CD99L2: variants seen among roughly 807,000 people sequenced by gnomAD.
CD99L2 encodes the protein CD99 molecule like 2, also known as CD99 antigen-like protein 2.
Under a neutral mutation model 27.3 loss-of-function variants are expected in CD99L2, and 24 were observed. The observed-to-expected ratio is 0.88, with a 90% CI of 0.64 to 1.24. CD99L2 has a LOEUF of 1.24. Among genes scored for constraint, CD99L2 ranks in the 50% most tolerant of loss-of-function variants. The pLI is 0.00. For missense variants in CD99L2, 255 were observed against 221.6 expected (o/e 1.15, Z -0.96); for synonymous variants, 97 against 87.9 (o/e 1.10, Z -0.58).
chrX:150,857,258 G>A, intron 1 of CD99L2, among the ~76,000 whole-genome samples: 1 of 110,996 alleles, frequency 9.0e-6, no homozygotes, highest in Non-Finnish European at 1.9e-5. Flanking sequence ...AGATCCAGGA[G>A]GTCCAGTGAT....
intron 1 of CD99L2, among the ~76,000 whole-genome samples, chrX:150,897,378 T>C (rs782116073): frequency 7.1e-5 from 8 of 112,785 alleles, no homozygotes; most frequent in African/African-American, 9.7e-5. Context: ...GAATGTTAAA[T>C]GGCTCTTCGT....
chrX:150,867,818 G>A (rs1306946407), intron 1 of CD99L2, among the ~76,000 whole-genome samples: 3 of 101,470 alleles, frequency 3.0e-5, no homozygotes, highest in East Asian at 3.1e-4. Context: ...GCTTGAACCC[G>A]GGAGGTGGAG....
At chrX:150,785,922 C>T (rs370265033) in intron 7 of CD99L2, among the ~76,000 whole-genome samples, 2 of 111,793 alleles carry the variant, frequency 1.8e-5, no homozygotes, top group African/African-American at 6.5e-5. Context: ...TTTCTGCTAT[C>T]GTAGATCAAG....
intron 6 of CD99L2, among the ~76,000 whole-genome samples, chrX:150,794,528 T>C (rs782786191): frequency 8.1e-4 from 91 of 112,136 alleles, no homozygotes; most frequent in African/African-American, 2.9e-3. Context: ...GGGTAAAAGG[T>C]CCACTGAAAG....
chrX:150,837,723 G>A lies in CD99L2; in HGVS notation c.68-6430C>T, dbSNP rs1284886883. Among the ~76,000 whole-genome samples the A allele has an allele frequency of 2.7e-5, 3 of 112,200 alleles. No homozygotes were observed. The East Asian group carries it at 8.3e-4, about 31-fold the overall frequency. ...AAGTAGTATTGGGTTATAACCCCAA[G>A]TATAACATAAGTATCTACGAGTCCA... On this transcript the variant is annotated intron_variant, in intron 1 of 10. Transcript: ENST00000370377.
At chrX:150,818,593 C>G (rs2046200110) in intron 2 of CD99L2, among the ~76,000 whole-genome samples, 1 of 111,163 alleles carries the variant, frequency 9.0e-6, no homozygotes, top group African/African-American at 3.3e-5. Flanking sequence ...CACAACATAC[C>G]AAAACTTATG....
rs2045487972 is a variant in CD99L2, at chrX:150,780,289, G to A, written c.497-2807C>T. ...AGAAGACAAGGGGAAGGGAGAGAGG[G>A]AGAGAAAGGAAGAAGTGTTGGTAAG... is the stretch of plus-strand genomic sequence containing the variant. On this transcript the variant is annotated intron_variant, in intron 7 of 10. Transcript: ENST00000370377. Among the ~76,000 whole-genome samples the A allele has an allele frequency of 3.6e-5, 4 of 111,874 alleles. No individual in the cohort carries two copies. The Admixed American group carries it at 3.8e-4, about 11-fold the overall frequency.
intron 1 of CD99L2, among the ~76,000 whole-genome samples, chrX:150,873,013 G>A (rs1324474832): frequency 9.0e-6 from 1 of 111,503 alleles, no homozygotes; most frequent in African/African-American, 3.3e-5. Context: ...GCTCTCCATT[G>A]AGGAATATCA....
intron 7 of CD99L2, 76 bp from the exon 8 acceptor site, chrX:150,777,558 T>TG (rs2045420384): frequency 7.8e-6 from 8 of 1,029,711 alleles, no homozygotes; most frequent in Middle Eastern, 2.8e-4. Context: ...GCGAGACGGA[T>TG]GGCAGTGCTG....
rs372216723 is a variant in CD99L2, at chrX:150,848,111, G to GCCC, written c.68-16821_68-16819dup. On this transcript the variant is annotated intron_variant, in intron 1 of 10. Transcript: ENST00000370377. ...CCATATGCCTAACTATGGCCTGCAG[G>GCCC]CCCCCCCCCCCTTGTACTATACCTC... is the stretch of plus-strand genomic sequence containing the variant. Among the ~76,000 whole-genome samples, 69 of 93,475 alleles carry GCCC rather than the reference G, an allele frequency of 7.4e-4. 1 individual carries two copies. Among genetic ancestry groups the GCCC allele is most frequent in the Middle Eastern group, 6.1e-3 (1 of 165 alleles). 81.2% of individuals were successfully genotyped at this position (93,475 alleles called of 115,157 possible).
chrX:150,771,494 C>T (rs782706943), intron 9 of CD99L2, among the ~76,000 whole-genome samples: 1 of 111,911 alleles, frequency 8.9e-6, no homozygotes, highest in African/African-American at 3.2e-5. Flanking sequence ...GGCGCTGGAT[C>T]GTCTCCTTCC....
chrX:150,811,802 A>G (rs1375055228), intron 4 of CD99L2, among the ~76,000 whole-genome samples: 1 of 111,946 alleles, frequency 8.9e-6, no homozygotes, highest in African/African-American at 3.2e-5. Context: ...AGTTTCAGGA[A>G]AAAAAACATA....
rs138311396 is a variant in CD99L2 at position 150,769,064 on chromosome X, C to T, written c.759G>A (p.Pro253=). 3.9e-4 allele frequency: 447 copies of T among 1,156,846 alleles called. 1 individual carries two copies. Among genetic ancestry groups the T allele is most frequent in the African/African-American group, 2.7e-3 (146 of 53,398 alleles). ...YSTLHTQSAE[P]PPPPEPARI is the part of the protein sequence containing the mutation. Reference sequence around the variant, plus strand: ...TCCGGGCTGGTTCGGGCGGCGGCGGCGGCTCTGCAGACTGCGTGTGCAACG... The same window carrying T: ...TCCGGGCTGGTTCGGGCGGCGGCGGTGGCTCTGCAGACTGCGTGTGCAACG... Residue 253 remains proline, a synonymous_variant, in exon 11 of 11, where the codon CCG becomes CCA. Coordinates refer to ENST00000370377, the MANE Select transcript of CD99L2 (RefSeq NM_031462.4).
chrX:150,864,902 T>TA (rs1292846304), intron 1 of CD99L2, among the ~76,000 whole-genome samples: 1 of 108,693 alleles, frequency 9.2e-6, no homozygotes, highest in East Asian at 2.9e-4. Context: ...CCCATCCCTG[T>TA]AAAAAATATA....
At position 150,883,063 on chromosome X, in the gene CD99L2, G is replaced by A. The variant is rs782642528; in HGVS notation, c.67+15459C>T. Among the ~76,000 whole-genome samples, 86 of 111,774 alleles carry A rather than the reference G, an allele frequency of 7.7e-4. 1 individual carries two copies. The Middle Eastern group carries it at 0.018, about 24-fold the overall frequency. ...TGCATGCCTGTAATCCCAGCTACTC[G>A]GGAGGCTGAGGCAGGAAAATCACTT... is the stretch of plus-strand genomic sequence containing the variant. On this transcript the variant is annotated intron_variant, in intron 1 of 10. Coordinates refer to ENST00000370377, the MANE Select transcript of CD99L2 (RefSeq NM_031462.4).
Position 150,770,292 on chromosome X carries a change from C to G in CD99L2, c.721+12G>C, listed in dbSNP as rs375307484. On this transcript the variant is annotated intron_variant, in intron 10 of 10. Coordinates refer to ENST00000370377, the MANE Select transcript of CD99L2 (RefSeq NM_031462.4). ...AAGCGTCAGCAAGGGACAGTGAGTACAAAGTTCTCACCTTGGGGTTCCTCA... is the reference window on the plus strand; with the variant it reads ...AAGCGTCAGCAAGGGACAGTGAGTAGAAAGTTCTCACCTTGGGGTTCCTCA... 2 of 1,208,131 alleles carry G rather than the reference C, an allele frequency of 1.7e-6. No homozygotes were observed. Among genetic ancestry groups the G allele is most frequent in the African/African-American group, 3.5e-5 (2 of 57,328 alleles).
In CD99L2 at chrX:150,769,052, G is replaced by GGGC; in HGVS notation, c.768_770dup (p.Pro257dup). ...AGGGCCCTCAGATCCGGGCTGGTTC[G>GGGC]GGCGGCGGCGGCGGCTCTGCAGACT... On this transcript the variant is annotated inframe_insertion, in exon 11 of 11. Transcript: ENST00000370377. 8.1e-5 allele frequency: 94 copies of GGGC among 1,155,341 alleles called. No individual in the cohort carries two copies. The Middle Eastern group carries it at 1.7e-3, about 21-fold the overall frequency.
chrX:150,818,408 CACAA>C (rs1436820979), intron 2 of CD99L2, among the ~76,000 whole-genome samples: 5 of 109,995 alleles, frequency 4.5e-5, no homozygotes, highest in Admixed American at 2.9e-4. Flanking sequence ...TGCTCTTCAG[CACAA>C]ACAAATTATG....
chrX:150,836,725 G>A (rs190122419), intron 1 of CD99L2, among the ~76,000 whole-genome samples: 1 of 111,724 alleles, frequency 9.0e-6, no homozygotes, highest in African/African-American at 3.3e-5. Flanking sequence ...AAACATCATA[G>A]GGTGTCCTTA....
Sources: allele counts gnomAD v4.1 joint callset (sites outside exome capture counted in the v4.1 genomes callset), GRCh38; gene constraint gnomAD v4.1.1; transcripts MANE v1.5; gene names NCBI Gene and HGNC (gene_info 2026-07-23, HGNC 2026-07-21).